The following RYR1 variants were observed in gnomAD, a reference collection of about 807,000 sequenced individuals.
The protein encoded by RYR1 is central core disease of muscle.
Under a neutral mutation model 583.5 loss-of-function variants are expected in RYR1, and 342 were observed. The observed-to-expected ratio is 0.59, with a 90% CI of 0.54 to 0.64. RYR1 has a LOEUF of 0.64. Among genes scored for constraint, RYR1 ranks in the 30% least tolerant of loss-of-function variants. The pLI is 0.00. For synonymous variants in RYR1, 2,791 were observed against 2,822.5 expected (o/e 0.99, Z 0.35); for missense variants, 6,032 against 6,917.2 (o/e 0.87, Z 4.54).
chr19:38,528,235 A>G, intron 73 of RYR1, 71 bp from the exon 74 acceptor site: 1 of 1,255,338 alleles, frequency 8.0e-7, no homozygotes, highest in South Asian at 1.2e-5. Context: ...ACAGCTGGGC[A>G]GTTTCATCCA....
intron 49 of RYR1, 64 bp downstream of exon 49, chr19:38,503,034 C>A: frequency 6.6e-7 from 1 of 1,509,314 alleles, no homozygotes; most frequent in Non-Finnish European, 9.1e-7. Context: ...CTCTTCCCTC[C>A]TACTGCGGGG....
chr19:38,536,950 A>G (rs1231869510), intron 83 of RYR1, 183 bp downstream of exon 83: 1 of 650,814 alleles, frequency 1.5e-6, no homozygotes, highest in Non-Finnish European at 2.8e-6. Flanking sequence ...TTCAGGTCCC[A>G]GATCAGCCAC....
At chr19:38,518,384 A>G (rs1971068433) in intron 66 of RYR1, among the ~76,000 whole-genome samples, 3 of 148,554 alleles carry the variant, frequency 2.0e-5, no homozygotes, top group African/African-American at 5.0e-5. Context: ...ACATGGTGAA[A>G]CCTCGTCTCT....
rs553055844 is a variant in RYR1 at position 38,516,184 on chromosome 19, G to T, written c.9652G>T (p.Val3218Leu). The change falls in exon 65 of 106, where the codon GTG (valine) becomes TTG (leucine). Residue 3218 changes from valine (V) to leucine (L), a missense_variant. Around this residue, in one of 11 missense-constraint regions of RYR1, gnomAD observed 1,493 missense variants for 1,715.5 expected, o/e 0.87. Transcript: ENST00000359596. Reference sequence around the variant, plus strand: ...GCTGAACGAGTACAACGCCTGCTCCGTGTACACCACCAAGTCTCCGCGGGA... The same window carrying T: ...GCTGAACGAGTACAACGCCTGCTCCTTGTACACCACCAAGTCTCCGCGGGA... ...PQLNEYNACSVYTTKSPRERA... is the reference protein window; with the variant it reads ...PQLNEYNACSLYTTKSPRERA... 12 of 1,574,012 alleles carry T rather than the reference G, an allele frequency of 7.6e-6. No homozygotes were observed. The highest frequency in any genetic ancestry group is 2.3e-5 in the East Asian group (1 of 42,906).
intron 7 of RYR1, among the ~76,000 whole-genome samples, chr19:38,445,212 G>GATTGC: frequency 1.0e-5 from 1 of 99,900 alleles, no homozygotes; most frequent in African/African-American, 4.0e-5. Flanking sequence ...GACAGAGCCA[G>GATTGC]ACTCTGCCTC....
At chr19:38,530,790 A>G (rs1225560729) in intron 76 of RYR1, among the ~76,000 whole-genome samples, 20 of 150,930 alleles carry the variant, frequency 1.3e-4, no homozygotes, top group Non-Finnish European at 1.5e-5. Flanking sequence ...ACCCTCAGCA[A>G]GATCTTTGGT....
chr19:38,463,329 C>T (rs2145432484), intron 20 of RYR1, 94 bp from the exon 21 acceptor site: 2 of 1,042,288 alleles, frequency 1.9e-6, no homozygotes, highest in Non-Finnish European at 1.5e-6. Flanking sequence ...GCTGGAGGAG[C>T]CTCCCAGGGC....
At chr19:38,581,242 A>T (rs185979403) in intron 101 of RYR1, among the ~76,000 whole-genome samples, 218 of 151,958 alleles carry the variant, frequency 1.4e-3, no homozygotes, top group African/African-American at 5.1e-3. Context: ...CACGCCTGGC[A>T]AATTTTTTGT....
chr19:38,495,238 A>C (rs563860078), intron 39 of RYR1, among the ~76,000 whole-genome samples: 11 of 152,280 alleles, frequency 7.2e-5, no homozygotes, highest in African/African-American at 2.6e-4. Flanking sequence ...CTGTGGCTTC[A>C]GTGAGCTCAT....
chr19:38,479,431 A>G (rs1291878843), intron 31 of RYR1, among the ~76,000 whole-genome samples: 1 of 152,114 alleles, frequency 6.6e-6, no homozygotes, highest in African/African-American at 2.4e-5. Context: ...ATTTTGAGAC[A>G]GGGCCTCACT....
chr19:38,548,570 A>G, intron 89 of RYR1, 150 bp downstream of exon 89: 1 of 740,824 alleles, frequency 1.3e-6, no homozygotes, highest in Non-Finnish European at 2.3e-6. Context: ...TCCTTGGGTT[A>G]TATGTATTCT....
intron 25 of RYR1, 142 bp downstream of exon 25, chr19:38,467,954 C>G (rs1968198494): frequency 2.8e-6 from 2 of 719,010 alleles, no homozygotes. Flanking sequence ...ATCTATCCAT[C>G]CATTCAACCA....
chr19:38,451,730 G>A (rs1468784929), intron 11 of RYR1, 34 bp from the exon 12 acceptor site: 1 of 1,613,406 alleles, frequency 6.2e-7, no homozygotes. Context: ...TGGGTGGCTG[G>A]GCCCACTCCA....
At chr19:38,573,034 G>T (rs1973793979) in intron 95 of RYR1, 143 bp from the exon 96 acceptor site, 3 of 1,356,190 alleles carry the variant, frequency 2.2e-6, no homozygotes, top group Non-Finnish European at 3.1e-6. Context: ...CTCTGCCTGG[G>T]CCTCATTTCT....
chr19:38,502,068 G>A (rs368279217), intron 47 of RYR1, among the ~76,000 whole-genome samples: 7 of 151,642 alleles, frequency 4.6e-5, no homozygotes, highest in South Asian at 2.1e-4. Flanking sequence ...GAGGCAGGAG[G>A]ATCACTTGAG....
chr19:38,499,830 C>T lies in RYR1; in HGVS notation c.7214+9C>T. On this transcript the variant is annotated intron_variant, in intron 44 of 105. Transcript: ENST00000359596. The surrounding 1 kb of genome is among the most constrained non-coding windows in gnomAD (Gnocchi z 7.3). ...GACCGGCGGCGCGAGCAGTGAGTCT[C>T]CCGGCCCCCTCCTCAATAGGGCAAC... 1 of 1,608,946 alleles carries T rather than the reference C, an allele frequency of 6.2e-7. No homozygotes were observed.
chr19:38,470,674 T>C (rs557343281), intron 27 of RYR1, among the ~76,000 whole-genome samples: 18 of 151,596 alleles, frequency 1.2e-4, no homozygotes, highest in African/African-American at 4.1e-4. Flanking sequence ...ACCCAGGAGG[T>C]GGAGGTTGCA....
At chr19:38,509,725 G>A (rs1970644386) in intron 58 of RYR1, among the ~76,000 whole-genome samples, 1 of 151,456 alleles carries the variant, frequency 6.6e-6, no homozygotes, top group African/African-American at 2.4e-5. Flanking sequence ...CCAAAGTGCT[G>A]GGATTACAGG....
At chr19:38,536,173 A>T (rs964436844) in intron 82 of RYR1, 103 bp downstream of exon 82, 59 of 1,051,196 alleles carry the variant, frequency 5.6e-5, no homozygotes, top group East Asian at 2.3e-4. Flanking sequence ...TTCCTCCAAG[A>T]CACTGGTTCC....
Sources: allele counts gnomAD v4.1 joint callset (sites outside exome capture counted in the v4.1 genomes callset), GRCh38; gene constraint gnomAD v4.1.1; regional missense constraint gnomAD v4.1.1; non-coding constraint Gnocchi (gnomAD v3.1); transcripts MANE v1.5; gene names NCBI Gene and HGNC (gene_info 2026-07-23, HGNC 2026-07-21).